The following PRELID2 variants were observed in gnomAD, a reference collection of about 807,000 sequenced individuals.
The protein encoded by PRELID2 is PRELI domain containing 2.
A neutral mutation model predicts 28.4 loss-of-function variants in PRELID2; 25 were observed. The observed-to-expected ratio is 0.88, with a 90% CI of 0.64 to 1.23. The LOEUF is 1.23. PRELID2 is among the 50% of genes most tolerant of loss of function. PRELID2 has a pLI of 0.00. For synonymous variants in PRELID2, 76 were observed against 71.6 expected, an observed-to-expected ratio of 1.06 and a Z score of -0.31; for missense variants, 201 against 214.4, an observed-to-expected ratio of 0.94 and a Z score of 0.39.
chr5:145,621,589 T>C (rs1442804859), intron 1 of PRELID2, among the ~76,000 whole-genome samples: 2 of 152,228 alleles, frequency 1.3e-5, no homozygotes, highest in East Asian at 1.9e-4. Context: ...GAACTGCTGA[T>C]ACACATGTTC....
At chr5:145,737,265 C>G (rs951525949) in intron 1 of PRELID2, among the ~76,000 whole-genome samples, 1 of 151,898 alleles carries the variant, frequency 6.6e-6, no homozygotes, top group Non-Finnish European at 1.5e-5. Flanking sequence ...TAACAGGGGA[C>G]CCAGACTCGT....
chr5:145,820,690 T>A (rs1211357915), intron 2 of PRELID2, among the ~76,000 whole-genome samples: 1 of 152,078 alleles, frequency 6.6e-6, no homozygotes, highest in Non-Finnish European at 1.5e-5. Flanking sequence ...TATGGTCTCC[T>A]CAGAAGAAGA....
intron 1 of PRELID2, among the ~76,000 whole-genome samples, chr5:145,543,646 T>G (rs1752762815): frequency 6.6e-6 from 1 of 152,076 alleles, no homozygotes; most frequent in African/African-American, 2.4e-5. Flanking sequence ...CAATTTAGAG[T>G]GCCAATGGCT....
Position 145,691,220 on chromosome 5 carries a change from C to T in PRELID2, n.70+73711G>A, listed in dbSNP as rs1029590019. Among the ~76,000 whole-genome samples the T allele has an allele frequency of 4.9e-4, 75 of 152,280 alleles. 1 individual carries two copies. The highest frequency in any genetic ancestry group is 1.7e-3 in the African/African-American group (71 of 41,554). On this transcript the variant is annotated intron_variant and non_coding_transcript_variant, in intron 1 of 2. Transcript: ENST00000510259. ...TCTCATTTTTATAACCATTCAACAACGTTTCAGCCAACAAATATTTACTAC... is the reference window on the plus strand; with the variant it reads ...TCTCATTTTTATAACCATTCAACAATGTTTCAGCCAACAAATATTTACTAC...
intron 1 of PRELID2, among the ~76,000 whole-genome samples, chr5:145,617,233 C>T (rs1753711781): frequency 6.6e-6 from 1 of 152,150 alleles, no homozygotes; most frequent in South Asian, 2.1e-4. Flanking sequence ...AGGTGACATA[C>T]ATCCTCCTCA....
intron 5 of PRELID2, among the ~76,000 whole-genome samples, chr5:145,782,009 T>C (rs1329607839): frequency 6.6e-6 from 1 of 152,044 alleles, no homozygotes. Context: ...GGAATTTCCA[T>C]CCAGCACAGC....
the PRELID2 span, among the ~76,000 whole-genome samples, chr5:145,448,111 G>C: frequency 2.7e-3 from 405 of 150,726 alleles, 4 homozygotes; most frequent in African/African-American, 9.4e-3. Flanking sequence ...GTTCCTATTT[G>C]TCCACATCCT....
chr5:145,402,274 C>G, the PRELID2 span, among the ~76,000 whole-genome samples: 23 of 152,246 alleles, frequency 1.5e-4, no homozygotes, highest in African/African-American at 4.8e-4. Context: ...TGGGTAAAAG[C>G]TAAGGGAAGC....
chr5:145,410,127 G>A, the PRELID2 span, among the ~76,000 whole-genome samples: 1 of 152,134 alleles, frequency 6.6e-6, no homozygotes, highest in African/African-American at 2.4e-5. Context: ...AATGAAACTG[G>A]ATTCTCATCT....
At chr5:145,347,694 C>G in the PRELID2 span, among the ~76,000 whole-genome samples, 7 of 152,046 alleles carry the variant, frequency 4.6e-5, no homozygotes, top group South Asian at 8.3e-4. Flanking sequence ...GCTTTTACCC[C>G]CTTTGAGTAA....
chr5:145,384,705 C>G, the PRELID2 span, among the ~76,000 whole-genome samples: 1 of 152,090 alleles, frequency 6.6e-6, no homozygotes, highest in Non-Finnish European at 1.5e-5. Flanking sequence ...TCTGGGCATG[C>G]CTCTAGAAGT....
chr5:145,440,308 G>C, the PRELID2 span, among the ~76,000 whole-genome samples: 2 of 152,054 alleles, frequency 1.3e-5, no homozygotes, highest in South Asian at 2.1e-4. Flanking sequence ...GATTTTGCCT[G>C]AGTAAAACCA....
the PRELID2 span, among the ~76,000 whole-genome samples, chr5:145,241,712 T>C: frequency 2.6e-5 from 4 of 152,184 alleles, no homozygotes; most frequent in Admixed American, 2.0e-4. Context: ...TTTGTTTCTT[T>C]ATATTCCACA....
At chr5:145,387,034 C>G in the PRELID2 span, among the ~76,000 whole-genome samples, 4,724 of 152,126 alleles carry the variant, frequency 0.031, 239 homozygotes, top group African/African-American at 0.11. Flanking sequence ...GTATGATTTT[C>G]CAAAAAGGTT....
chr5:145,400,024 T>A, the PRELID2 span, among the ~76,000 whole-genome samples: 1 of 152,110 alleles, frequency 6.6e-6, no homozygotes, highest in Non-Finnish European at 1.5e-5. Flanking sequence ...AACCATATTA[T>A]CTCCACACCC....
chr5:145,560,263 T>C (rs1251611009), intron 1 of PRELID2, among the ~76,000 whole-genome samples: 1 of 152,218 alleles, frequency 6.6e-6, no homozygotes, highest in African/African-American at 2.4e-5. Context: ...TACTAATAAG[T>C]GCTGTTCCAT....
rs1754507994 is a variant in PRELID2, at chr5:145,818,188, T to C, written c.208-134A>G. 9 of 876,974 alleles carry C rather than the reference T, an allele frequency of 1.0e-5. No individual in the cohort carries two copies. In the East Asian group the frequency reaches 2.5e-4, roughly 24 times the overall value. The allele number at this position is 876,974 out of a possible 1,614,324, so 54.3% of individuals were successfully genotyped here. On this transcript the variant is annotated intron_variant, in intron 3 of 6. Transcript: ENST00000683046. ...TGATACATGGATGATGGCTCACCAG[T>C]GGCTGTACGTTTTTGATAATCAAAC...
Position 145,541,238 on chromosome 5 carries a change from G to C in PRELID2, n.71-67923C>G, listed in dbSNP as rs529594677. 4.6e-5 allele frequency among the ~76,000 whole-genome samples: 7 copies of C among 152,218 alleles called. No individual in the cohort carries two copies. In the East Asian group the frequency reaches 1.2e-3, roughly 25 times the overall value. ...GCTAATATAATAAGGTGATGTAATA[G>C]TGTATGTTGCTATAAGATTAACAAC... On this transcript the variant is annotated intron_variant and non_coding_transcript_variant, in intron 1 of 2. Transcript: ENST00000510259.
At chr5:145,356,467 A>C in the PRELID2 span, among the ~76,000 whole-genome samples, 3 of 151,076 alleles carry the variant, frequency 2.0e-5, no homozygotes, top group African/African-American at 7.3e-5. Flanking sequence ...TTGGGTATAT[A>C]TCTATTTTGG....
Sources: allele counts gnomAD v4.1 joint callset (sites outside exome capture counted in the v4.1 genomes callset), GRCh38; gene constraint gnomAD v4.1.1; transcripts MANE v1.5; gene names NCBI Gene and HGNC (gene_info 2026-07-23, HGNC 2026-07-21).